DPH6: variants seen among roughly 807,000 people sequenced by gnomAD.
DPH6 encodes diphthine--ammonia ligase.
DPH6 carries 33 observed loss-of-function variants against 38.2 expected under a neutral mutation model. The ratio of observed to expected loss-of-function variants is 0.86; its 90% CI spans 0.65 to 1.15. The LOEUF (loss-of-function observed/expected upper bound fraction) is 1.15. DPH6 is among the 50% of genes most tolerant of loss of function. The probability of loss-of-function intolerance (pLI) is 0.00; values close to 1 mark genes in which losing one functional copy is unlikely to be tolerated. For synonymous variants in DPH6, 108 were observed against 103.0 expected (o/e 1.05, Z -0.30); for missense variants, 325 against 320.0 (o/e 1.02, Z -0.12).
At chr15:35,544,544 T>C (rs1266269634) in intron 1 of DPH6, among the ~76,000 whole-genome samples, 2 of 152,102 alleles carry the variant, frequency 1.3e-5, no homozygotes, top group Non-Finnish European at 2.9e-5. Context: ...CTTAGAAAGA[T>C]ATGTAAGAAT....
chr15:35,253,679 T>C (rs762884913), intron 3 of DPH6, among the ~76,000 whole-genome samples: 5 of 152,234 alleles, frequency 3.3e-5, no homozygotes, highest in Non-Finnish European at 7.3e-5. Flanking sequence ...TCTGTCAATT[T>C]TGACGCATCT....
intron 3 of DPH6, among the ~76,000 whole-genome samples, chr15:35,281,468 A>G (rs926220727): frequency 3.3e-5 from 5 of 152,242 alleles, no homozygotes; most frequent in Non-Finnish European, 7.3e-5. Context: ...ATATGCTAAT[A>G]ATAATTTTTT....
At chr15:35,305,503 C>T (rs990017151) in intron 3 of DPH6, among the ~76,000 whole-genome samples, 3 of 151,898 alleles carry the variant, frequency 2.0e-5, no homozygotes, top group African/African-American at 7.3e-5. Context: ...CATTCAATTA[C>T]CAATTTAGGA....
intron 3 of DPH6, among the ~76,000 whole-genome samples, chr15:35,517,592 T>C (rs929161123): frequency 2.6e-5 from 4 of 152,092 alleles, no homozygotes; most frequent in Non-Finnish European, 4.4e-5. Context: ...AAAACATTGG[T>C]TCCTTCTTTA....
At chr15:35,253,842 G>A (rs1252244212) in intron 3 of DPH6, among the ~76,000 whole-genome samples, 6 of 152,174 alleles carry the variant, frequency 3.9e-5, no homozygotes, top group Non-Finnish European at 7.3e-5. Context: ...GGGCTGAGGC[G>A]GCAGAACGTC....
chr15:35,534,106 G>T (rs570735708), intron 3 of DPH6, among the ~76,000 whole-genome samples: 50 of 151,962 alleles, frequency 3.3e-4, no homozygotes, highest in Non-Finnish European at 5.7e-4. Context: ...GGCCAGGAGC[G>T]GTGGCTCATG....
intron 3 of DPH6, among the ~76,000 whole-genome samples, chr15:35,291,330 A>G (rs1321009195): frequency 2.0e-5 from 3 of 152,118 alleles, no homozygotes; most frequent in Non-Finnish European, 2.9e-5. Context: ...TAGAAACTAC[A>G]TGAGAATGGG....
intron 3 of DPH6, among the ~76,000 whole-genome samples, chr15:35,346,384 T>C (rs2052462162): frequency 6.6e-6 from 1 of 152,126 alleles, no homozygotes; most frequent in South Asian, 2.1e-4. Context: ...GATATTGCAG[T>C]ATTTTAGAAA....
the DPH6 span, among the ~76,000 whole-genome samples, chr15:35,165,649 T>C: frequency 3.3e-5 from 5 of 151,944 alleles, no homozygotes; most frequent in Non-Finnish European, 7.4e-5. Context: ...GTGTGGTGAA[T>C]TGGGCAAATG....
chr15:35,226,958 C>T (rs1224544844), intron 3 of DPH6, among the ~76,000 whole-genome samples: 1 of 152,032 alleles, frequency 6.6e-6, no homozygotes, highest in East Asian at 1.9e-4. Flanking sequence ...TCTGTCTGGG[C>T]TTTTCTTTAC....
At chr15:35,359,420 G>A (rs2052594808) in intron 3 of DPH6, among the ~76,000 whole-genome samples, 1 of 152,160 alleles carries the variant, frequency 6.6e-6, no homozygotes, top group African/African-American at 2.4e-5. Context: ...TGTTCAAATT[G>A]TTACAAAGTT....
exon 4 of DPH6, chr15:35,220,076 C>T (rs1353343228): frequency 5.3e-5 from 8 of 152,190 alleles, no homozygotes; most frequent in Non-Finnish European, 1.2e-4. Flanking sequence ...ATGTCAAACA[C>T]AAAGCAGAGT....
chr15:35,242,259 A>C (rs2051605639), intron 3 of DPH6, among the ~76,000 whole-genome samples: 1 of 142,758 alleles, frequency 7.0e-6, no homozygotes, highest in Non-Finnish European at 1.5e-5. Flanking sequence ...TGTCCAGCTG[A>C]TCTCCCAAAC....
intron 3 of DPH6, among the ~76,000 whole-genome samples, chr15:35,498,934 C>A (rs1158817680): frequency 7.2e-6 from 1 of 139,316 alleles, no homozygotes; most frequent in Non-Finnish European, 1.5e-5. Flanking sequence ...ACAGCAAGGC[C>A]TCATCTCTTA....
chr15:35,499,191 CTACT>C (rs2054594385), intron 3 of DPH6, among the ~76,000 whole-genome samples: 1 of 152,084 alleles, frequency 6.6e-6, no homozygotes, highest in Admixed American at 6.6e-5. Context: ...CTTGTCCCTA[CTACT>C]TATATTTCTT....
intron 5 of DPH6, among the ~76,000 whole-genome samples, chr15:35,437,726 G>A (rs1566909808): frequency 6.6e-6 from 1 of 152,228 alleles, no homozygotes; most frequent in Non-Finnish European, 1.5e-5. Flanking sequence ...CCACAGGCCT[G>A]TTGTTCAACC....
the DPH6 span, among the ~76,000 whole-genome samples, chr15:35,153,783 G>A: frequency 6.6e-6 from 1 of 152,154 alleles, no homozygotes; most frequent in African/African-American, 2.4e-5. Context: ...GCCCCTTCAA[G>A]AGAGCCCCTC....
chr15:35,334,484 A>G (rs1033930968), intron 3 of DPH6, among the ~76,000 whole-genome samples: 1 of 152,032 alleles, frequency 6.6e-6, no homozygotes, highest in African/African-American at 2.4e-5. Context: ...GGTTTGCTGC[A>G]CAGATCATCC....
chr15:35,491,010 C>T (rs965214470), intron 3 of DPH6, among the ~76,000 whole-genome samples: 14 of 152,120 alleles, frequency 9.2e-5, no homozygotes, highest in African/African-American at 3.1e-4. Flanking sequence ...TATCACAAGT[C>T]TATTCCCATG....
Sources: gnomAD v4.1 joint callset for allele counts (sites outside exome capture counted in the v4.1 genomes callset) on GRCh38, gnomAD v4.1.1 for gene constraint, MANE v1.5 for transcripts, NCBI Gene and HGNC (gene_info 2026-07-23, HGNC 2026-07-21) for gene names.